Variants in PREX2 observed in about 807,000 individuals in gnomAD.
PREX2 encodes the protein phosphatidylinositol-3,4,5-trisphosphate dependent Rac exchange factor 2, also known as phosphatidylinositol 3,4,5-trisphosphate-dependent Rac exchanger 2 protein.
PREX2 carries 107 observed loss-of-function variants against 203.2 expected under a neutral mutation model. The observed-to-expected ratio is 0.53, with a 90% CI of 0.45 to 0.62. PREX2 has a LOEUF of 0.62. Ranked by LOEUF, PREX2 falls within the 20% of genes least tolerant of loss-of-function variation. The pLI, the probability that PREX2 is intolerant of heterozygous loss-of-function variation, is 0.00. For missense variants in PREX2, 1,777 were observed against 1,955.9 expected (o/e 0.91, Z 1.72); for synonymous variants, 672 against 663.6 (o/e 1.01, Z -0.19).
At chr8:67,992,981 T>C (rs1021537916) in intron 1 of PREX2, among the ~76,000 whole-genome samples, 1 of 152,228 alleles carries the variant, frequency 6.6e-6, no homozygotes, top group African/African-American at 2.4e-5. Context: ...TAAAACTAGA[T>C]ATTTGAAGAT....
At chr8:68,010,221 G>A (rs887554403) in intron 1 of PREX2, among the ~76,000 whole-genome samples, 5 of 152,168 alleles carry the variant, frequency 3.3e-5, no homozygotes, top group Non-Finnish European at 7.3e-5. Flanking sequence ...GAGCTAGCCT[G>A]GGATCCTGAG....
intron 10 of PREX2, among the ~76,000 whole-genome samples, chr8:68,058,163 C>T (rs529373187): frequency 5.3e-5 from 8 of 152,298 alleles, no homozygotes; most frequent in African/African-American, 1.4e-4. Flanking sequence ...AATGATAAAG[C>T]CACTCATTGG....
At chr8:68,046,793 A>G (rs1808365307) in intron 8 of PREX2, among the ~76,000 whole-genome samples, 1 of 152,050 alleles carries the variant, frequency 6.6e-6, no homozygotes, top group African/African-American at 2.4e-5. Context: ...CCTGGTCACT[A>G]CAAGGTCACT....
chr8:67,984,707 G>A (rs2129609304), intron 1 of PREX2, among the ~76,000 whole-genome samples: 1 of 152,280 alleles, frequency 6.6e-6, no homozygotes, highest in African/African-American at 2.4e-5. Flanking sequence ...TTAATAAACA[G>A]GAGCTCAAAC....
At chr8:68,090,268 T>C (rs1017784678) in intron 19 of PREX2, among the ~76,000 whole-genome samples, 2 of 152,226 alleles carry the variant, frequency 1.3e-5, no homozygotes, top group Non-Finnish European at 2.9e-5. Flanking sequence ...CCATTATATA[T>C]GCATATTTAG....
At chr8:68,127,503 C>T in intron 31 of PREX2, 84 bp downstream of exon 31, 3 of 869,296 alleles carry the variant, frequency 3.5e-6, no homozygotes, top group Non-Finnish European at 5.7e-6. Context: ...GAGGACAACG[C>T]CTTCAACCAT....
intron 19 of PREX2, among the ~76,000 whole-genome samples, chr8:68,089,806 T>C (rs959039515): frequency 3.9e-5 from 6 of 152,250 alleles, no homozygotes; most frequent in African/African-American, 1.4e-4. Context: ...AAGTTTATAA[T>C]CATTTGTATT....
intron 1 of PREX2, among the ~76,000 whole-genome samples, chr8:67,992,236 T>C (rs937040049): frequency 5.9e-5 from 9 of 152,208 alleles, no homozygotes; most frequent in African/African-American, 1.7e-4. Context: ...CTGCTCACTT[T>C]TCTTGCTATC....
intron 8 of PREX2, among the ~76,000 whole-genome samples, chr8:68,046,540 T>C (rs1808357926): frequency 1.3e-5 from 2 of 152,058 alleles, no homozygotes; most frequent in African/African-American, 4.8e-5. Context: ...GCAAAAGCAT[T>C]GTGGAAGGCA....
chr8:68,098,938 GTATATATATATATATATATATATATA>G (rs71253061), intron 22 of PREX2, among the ~76,000 whole-genome samples: 6 of 109,792 alleles, frequency 5.5e-5, no homozygotes, highest in Admixed American at 9.8e-5. Context: ...ATATATATGT[GTATATATATATATATATATATATATA>G]TATATATATA....
chr8:68,039,896 C>T (rs1449627601), intron 7 of PREX2, among the ~76,000 whole-genome samples: 1 of 152,156 alleles, frequency 6.6e-6, no homozygotes, highest in Non-Finnish European at 1.5e-5. Context: ...ACTGACCCAC[C>T]ATATCTTTTC....
chr8:68,003,906 T>TGG (rs1807018604), intron 1 of PREX2, among the ~76,000 whole-genome samples: 2 of 139,142 alleles, frequency 1.4e-5, no homozygotes, highest in Admixed American at 7.9e-5. Context: ...TGGAGTGCAG[T>TGG]GGCGCAATCT....
rs1368694462 is a variant in PREX2, at chr8:68,097,039, T to A, written c.2391T>A (p.Thr797=). The A allele has an allele frequency of 6.2e-7, 1 of 1,613,784 alleles. No individual in the cohort carries two copies. ...KVEEVIDKFN[T]MAIIDGKKEH... is the part of the protein sequence containing the mutation. ...CAGAGGTTATTGACAAATTCAACAC[T>A]ATGGCCATCATTGATGGGAAGAAGG... Residue 797 remains threonine, a synonymous_variant, in exon 22 of 40, where the codon ACT becomes ACA. Coordinates refer to ENST00000288368, the MANE Select transcript of PREX2 (RefSeq NM_024870.4).
chr8:68,235,115 A>G lies in PREX2; in HGVS notation c.*3737A>G, dbSNP rs1243459679. 1 of 152,166 alleles carries G rather than the reference A, an allele frequency of 6.6e-6. No homozygotes were observed. Among genetic ancestry groups the G allele is most frequent in the East Asian group, 1.9e-4 (1 of 5,198 alleles). The allele number at this position is 152,166 out of a possible 1,614,324, so 9.4% of individuals were successfully genotyped here. A position where few individuals can be genotyped will look rare whatever the true frequency, so the allele number is the denominator to read the frequency against. On this transcript the variant is annotated 3_prime_UTR_variant, in exon 40 of 40. Transcript: ENST00000288368. The stretch of plus-strand genomic sequence containing the variant: ...TTTTGAAACTAATACCTTTGCATTT[A>G]AAATACTGAAGTATTATTTTGTTAG...
At chr8:68,152,091 C>T (rs1266346182) in intron 34 of PREX2, among the ~76,000 whole-genome samples, 2 of 151,440 alleles carry the variant, frequency 1.3e-5, no homozygotes, top group Non-Finnish European at 2.9e-5. Flanking sequence ...AAATCGTAGC[C>T]ATCCTGGCTA....
chr8:68,014,829 C>T (rs565413157), intron 1 of PREX2, among the ~76,000 whole-genome samples: 142 of 152,270 alleles, frequency 9.3e-4, no homozygotes, highest in South Asian at 6.8e-3. Flanking sequence ...ACATCAGAAT[C>T]GCATAGAGGT....
intron 35 of PREX2, among the ~76,000 whole-genome samples, chr8:68,183,072 T>G (rs1812116366): frequency 6.6e-6 from 1 of 151,858 alleles, no homozygotes; most frequent in Non-Finnish European, 1.5e-5. Context: ...TGTTGGCAAA[T>G]AATTAGGAAG....
Position 68,069,123 on chromosome 8 carries a change from A to T in PREX2, c.1430A>T (p.Asp477Val). 6.4e-7 allele frequency: 1 copy of T among 1,555,150 alleles called. No individual in the cohort carries two copies. The highest frequency in any genetic ancestry group is 8.7e-7 in the Non-Finnish European group (1 of 1,142,858). ...GTFYPRNEMQ[D>V]VISKGVRLYC... ...TTTTATCCAAGAAATGAGATGCAGG[A>T]CGTGATTTCAAAGGTAACGACCTCT... Residue 477 changes from aspartate to valine, a missense_variant, in exon 12 of 40, where the codon GAC becomes GTC. Asp to Val is a radical substitution (Grantham distance 152). Coordinates refer to ENST00000288368, the MANE Select transcript of PREX2 (RefSeq NM_024870.4).
intron 1 of PREX2, among the ~76,000 whole-genome samples, chr8:67,963,529 T>C (rs1805689210): frequency 6.6e-6 from 1 of 152,190 alleles, no homozygotes; most frequent in Non-Finnish European, 1.5e-5. Flanking sequence ...TTTCTGTCTT[T>C]GTCTAATATT....
Sources: allele counts gnomAD v4.1 joint callset (sites outside exome capture counted in the v4.1 genomes callset), GRCh38; gene constraint gnomAD v4.1.1; transcripts MANE v1.5; gene names NCBI Gene and HGNC (gene_info 2026-07-23, HGNC 2026-07-21).